The following CCDC15 variants were observed in gnomAD, a reference collection of about 807,000 sequenced individuals.
CCDC15 encodes coiled-coil domain-containing protein 15.
Under a neutral mutation model 114.5 loss-of-function variants are expected in CCDC15, and 105 were observed. That is an observed-to-expected ratio of 0.92 (90% CI 0.78 to 1.08). The LOEUF is 1.08. CCDC15 is among the 50% of genes least tolerant of loss of function. The pLI, the probability that CCDC15 is intolerant of heterozygous loss-of-function variation, is 0.00. For synonymous variants in CCDC15, 334 were observed against 377.8 expected (o/e 0.88, Z 1.34); for missense variants, 1,105 against 1,093.6 (o/e 1.01, Z -0.15).
In CCDC15 at chr11:125,032,859, C is replaced by T. The variant is rs1948749638; in HGVS notation, c.2412-5572C>T. 4.6e-5 allele frequency among the ~76,000 whole-genome samples: 7 copies of T among 152,180 alleles called. No individual in the cohort carries two copies. The South Asian group carries it at 1.5e-3, about 32-fold the overall frequency. On this transcript the variant is annotated intron_variant, in intron 13 of 15. Coordinates refer to ENST00000344762, the MANE Select transcript of CCDC15 (RefSeq NM_025004.3). ...ATTAATTACCTCACCTTCATAAGCC[C>T]CTTCTTTAACTGGAGGACCACAATG...
At chr11:125,004,548 C>T (rs879721167) in intron 12 of CCDC15, among the ~76,000 whole-genome samples, 3 of 151,910 alleles carry the variant, frequency 2.0e-5, no homozygotes, top group Non-Finnish European at 2.9e-5. Flanking sequence ...TTTTGCTCAT[C>T]GAATAGCTTG....
intron 13 of CCDC15, among the ~76,000 whole-genome samples, chr11:125,025,131 T>TAC (rs1333265102): frequency 2.1e-5 from 3 of 144,574 alleles, no homozygotes; most frequent in African/African-American, 7.7e-5. Flanking sequence ...TATATATGAA[T>TAC]ATATATGAAT....
chr11:125,025,049 T>C (rs905207436), intron 13 of CCDC15, among the ~76,000 whole-genome samples: 4 of 131,588 alleles, frequency 3.0e-5, no homozygotes, highest in African/African-American at 1.3e-4. Context: ...CATATGAATA[T>C]ATATGAATAT....
chr11:124,955,857 A>C (rs1478412825), intron 2 of CCDC15, among the ~76,000 whole-genome samples: 1 of 152,176 alleles, frequency 6.6e-6, no homozygotes, highest in Non-Finnish European at 1.5e-5. Context: ...GGATTTTAAG[A>C]GTCTAGGTGG....
intron 12 of CCDC15, among the ~76,000 whole-genome samples, chr11:125,004,537 T>C (rs904835131): frequency 8.6e-5 from 13 of 152,028 alleles, no homozygotes; most frequent in African/African-American, 3.1e-4. Flanking sequence ...ATAGACATGC[T>C]TTTTGCTCAT....
chr11:125,040,653 T>C lies in CCDC15; in HGVS notation c.2798T>C (p.Leu933Pro), dbSNP rs772241335. Residue 933 changes from leucine (L) to proline (P), a missense_variant, in exon 16 of 16, where the codon CTT becomes CCT. Transcript: ENST00000344762. Reference protein sequence around the residue: ...SCDVPGGNSTLRVAIHNFASA... With the variant: ...SCDVPGGNSTPRVAIHNFASA... ...GATGTCCCTGGGGGTAATTCAACTC[T>C]TCGAGTCGCAATTCATAATTTTGCT... The C allele has an allele frequency of 6.2e-7, 1 of 1,612,064 alleles. No homozygotes were observed. The highest frequency in any genetic ancestry group is 1.7e-5 in the Admixed American group (1 of 59,856).
chr11:124,959,434 G>A (rs1474620936), intron 3 of CCDC15, among the ~76,000 whole-genome samples, 170 bp downstream of exon 3: 2 of 152,120 alleles, frequency 1.3e-5, no homozygotes, highest in African/African-American at 2.4e-5. Context: ...TTTTATTCCT[G>A]TGTTCTGACT....
rs542954431 is a variant in CCDC15, at chr11:125,036,251, A to G, written c.2412-2180A>G. On this transcript the variant is annotated intron_variant, in intron 13 of 15. Transcript: ENST00000344762. The stretch of plus-strand genomic sequence containing the variant: ...GAATAATATTTTCACCAGACATACT[A>G]TTCTGCAATAAAAGTTCTTTTTCCT... 6.5e-5 allele frequency among the ~76,000 whole-genome samples: 8 copies of G among 122,406 alleles called. No homozygotes were observed. In the Admixed American group the frequency reaches 6.9e-4, roughly 10 times the overall value. The allele number at this position is 122,406 out of a possible 152,430, so 80.3% of individuals were successfully genotyped here. A position where few individuals can be genotyped will look rare whatever the true frequency, so the allele number is the denominator to read the frequency against.
intron 13 of CCDC15, among the ~76,000 whole-genome samples, chr11:125,035,494 G>C (rs980874603): frequency 6.6e-6 from 1 of 151,052 alleles, no homozygotes; most frequent in African/African-American, 2.4e-5. Flanking sequence ...TTTCTTGCAG[G>C]CAAGGAATTG....
chr11:125,031,732 A>G (rs1252876034), intron 13 of CCDC15, among the ~76,000 whole-genome samples: 1 of 152,186 alleles, frequency 6.6e-6, no homozygotes, highest in Non-Finnish European at 1.5e-5. Flanking sequence ...TGACACCTCA[A>G]GCACTATTGG....
At chr11:124,957,975 C>A (rs1268927685) in intron 2 of CCDC15, among the ~76,000 whole-genome samples, 3 of 152,136 alleles carry the variant, frequency 2.0e-5, no homozygotes, top group Non-Finnish European at 4.4e-5. Context: ...TTGTTGGAGT[C>A]AGAAACTTCT....
At chr11:125,005,081 C>G (rs1948538087) in intron 12 of CCDC15, 28 bp from the exon 13 acceptor site, 1 of 1,015,290 alleles carries the variant, frequency 9.8e-7, no homozygotes, top group African/African-American at 1.7e-5. Context: ...AAAGCAGAAT[C>G]TTAGTAATTT....
intron 6 of CCDC15, among the ~76,000 whole-genome samples, chr11:124,986,478 G>A (rs1202589697): frequency 2.0e-5 from 3 of 152,122 alleles, no homozygotes; most frequent in Non-Finnish European, 2.9e-5. Context: ...AACATGTTAT[G>A]TCTTTCCATT....
Position 124,977,634 on chromosome 11 carries a change from T to C in CCDC15, c.753+34T>C, listed in dbSNP as rs11825331. 1.0e-3 allele frequency: 1,580 copies of C among 1,585,786 alleles called. 15 individuals are homozygous for C. The African/African-American group carries it at 0.018, about 18-fold the overall frequency. ...ATATAAAAAGTAGAGGGGAAAGACA[T>C]TGGCTTATTAGAAGTATCCACAGCT... is the stretch of plus-strand genomic sequence containing the variant. On this transcript the variant is annotated intron_variant, in intron 6 of 15. Coordinates refer to ENST00000344762, the MANE Select transcript of CCDC15 (RefSeq NM_025004.3).
At chr11:124,960,812 T>C (rs1947646768) in intron 4 of CCDC15, among the ~76,000 whole-genome samples, 1 of 152,234 alleles carries the variant, frequency 6.6e-6, no homozygotes, top group Non-Finnish European at 1.5e-5. Context: ...GTTGATACAG[T>C]CTTCAACTCT....
In CCDC15 at chr11:124,987,995, A is replaced by G. The variant is rs1158628947; in HGVS notation, c.1769A>G (p.Gln590Arg). The G allele has an allele frequency of 1.2e-6, 2 of 1,613,684 alleles. No homozygotes were observed. Among genetic ancestry groups the G allele is most frequent in the Non-Finnish European group, 1.7e-6 (2 of 1,179,766 alleles). The change falls in exon 8 of 16, where the codon CAA (glutamine) becomes CGA (arginine). Residue 590 changes from glutamine to arginine, a missense_variant. Transcript: ENST00000344762. ...CQDQDFLPRDQGYLPKDQNIL... is the reference protein window; with the variant it reads ...CQDQDFLPRDRGYLPKDQNIL... ...GACCAGGATTTTCTACCCAGAGACC[A>G]AGGTTATCTTCCTAAAGACCAAAAT...
Position 124,987,310 on chromosome 11 carries a change from G to A in CCDC15, c.1084G>A (p.Ala362Thr). 1 of 1,612,812 alleles carries A rather than the reference G, an allele frequency of 6.2e-7. No individual in the cohort carries two copies. The highest frequency in any genetic ancestry group is 8.5e-7 in the Non-Finnish European group (1 of 1,179,450). ...CCAGAGTGTTAAGCCAGATACCCAG[G>A]CTGTTGAAATGAAGGTTCAGGTTAC... ...GIQSVKPDTQ[A>T]VEMKVQVTEP... Residue 362 changes from alanine to threonine, a missense_variant, in exon 8 of 16, where the codon GCT becomes ACT. Physicochemically the swap from Ala to Thr is moderately conservative, Grantham distance 58. Transcript: ENST00000344762.
At chr11:125,031,912 C>G (rs1948741800) in intron 13 of CCDC15, among the ~76,000 whole-genome samples, 1 of 152,172 alleles carries the variant, frequency 6.6e-6, no homozygotes, top group African/African-American at 2.4e-5. Context: ...ACAACAAAAT[C>G]CAAATAGGCC....
At position 124,991,729 on chromosome 11, in the gene CCDC15, G is replaced by C. The variant is rs976052073; in HGVS notation, c.2031+146G>C. The C allele has an allele frequency of 1.3e-5, 9 of 707,086 alleles. No homozygotes were observed. The Admixed American group carries it at 1.8e-4, about 14-fold the overall frequency. The allele number at this position is 707,086 out of a possible 1,614,324, so 43.8% of individuals were successfully genotyped here. A position where few individuals can be genotyped will look rare whatever the true frequency, so the allele number is the denominator to read the frequency against. ...GATGGAGTCTTTCTCTGTCGCCCAG[G>C]CTGGAGTGCAGTGGCACAATCTCGA... On this transcript the variant is annotated intron_variant, in intron 9 of 15. Transcript: ENST00000344762.
Sources: allele counts gnomAD v4.1 joint callset (sites outside exome capture counted in the v4.1 genomes callset), GRCh38; gene constraint gnomAD v4.1.1; transcripts MANE v1.5; gene names NCBI Gene and HGNC (gene_info 2026-07-23, HGNC 2026-07-21).